Variants in CNTLN observed in about 807,000 individuals in gnomAD.
CNTLN encodes the protein centlein, centrosomal protein.
A neutral mutation model predicts 180.0 loss-of-function variants in CNTLN; 212 were observed. That is an observed-to-expected ratio of 1.18 (90% CI 1.05 to 1.32). The LOEUF is 1.32. Ranked by LOEUF, CNTLN falls within the 40% of genes most tolerant of loss-of-function variation. The probability of loss-of-function intolerance (pLI) is 0.00; values close to 1 mark genes in which losing one functional copy is unlikely to be tolerated. For synonymous variants in CNTLN, 722 were observed against 563.1 expected (o/e 1.28, Z -3.99); for missense variants, 2,095 against 1,610.9 (o/e 1.30, Z -5.14).
chr9:17,267,686 T>C (rs1827588146), intron 5 of CNTLN, among the ~76,000 whole-genome samples: 1 of 152,212 alleles, frequency 6.6e-6, no homozygotes, highest in South Asian at 2.1e-4. Flanking sequence ...CAATCAGACG[T>C]AGATTTGGTC....
At chr9:17,443,288 G>A (rs2780200) in intron 18 of CNTLN, among the ~76,000 whole-genome samples, 145,612 of 152,270 alleles carry the variant, frequency 0.96, 69,971 homozygotes, top group East Asian at 1. Flanking sequence ...ACTATAATTA[G>A]TAAGAGATTT....
At chr9:17,271,174 C>T (rs896721271) in intron 5 of CNTLN, among the ~76,000 whole-genome samples, 5 of 152,034 alleles carry the variant, frequency 3.3e-5, no homozygotes, top group Non-Finnish European at 4.4e-5. Context: ...ATCTCCTGAC[C>T]TCGTGATCTG....
At chr9:17,432,507 TA>T (rs1285951839) in intron 18 of CNTLN, among the ~76,000 whole-genome samples, 3 of 152,074 alleles carry the variant, frequency 2.0e-5, no homozygotes, top group African/African-American at 7.2e-5. Flanking sequence ...ACACAGAAGA[TA>T]TATGAGTTAT....
intron 2 of CNTLN, among the ~76,000 whole-genome samples, chr9:17,174,711 A>AAAAAAAAAAG (rs1174225322): frequency 1.3e-5 from 2 of 151,906 alleles, no homozygotes. Flanking sequence ...AAAAAAAAAA[A>AAAAAAAAAAG]AAAGAAAGAA....
At chr9:17,179,774 A>G (rs1821004089) in intron 2 of CNTLN, among the ~76,000 whole-genome samples, 1 of 152,188 alleles carries the variant, frequency 6.6e-6, no homozygotes, top group African/African-American at 2.4e-5. Context: ...GAAGTTGCCA[A>G]ACATAATTAT....
chr9:17,312,967 T>G (rs2132957282), intron 8 of CNTLN, among the ~76,000 whole-genome samples: 1 of 152,332 alleles, frequency 6.6e-6, no homozygotes, highest in East Asian at 1.9e-4. Context: ...CTTTGAGTTT[T>G]CTCAATTTTT....
chr9:17,319,647 C>G (rs1819772392), intron 8 of CNTLN, among the ~76,000 whole-genome samples: 2 of 152,080 alleles, frequency 1.3e-5, no homozygotes, highest in Non-Finnish European at 1.5e-5. Context: ...TCAGTTTCAA[C>G]ATTTATAAAA....
rs771312192 is a variant in CNTLN at position 17,502,630 on chromosome 9, CA to C, written c.4201del (p.Ile1401LeufsTer2). Reference sequence around the variant, plus strand: ...AAGAAACTAGTTGAAGGATATTTCACAATTATGAAAGATATTAGATGATATT... The same window carrying C: ...AAGAAACTAGTTGAAGGATATTTCACATTATGAAAGATATTAGATGATATT... ...EKKKLVEGYF[T>X]IMKDIR On this transcript the variant is annotated frameshift_variant, in exon 26 of 26. Transcript: ENST00000380647. LOFTEE classifies it high-confidence loss of function. The C allele has an allele frequency of 7.5e-7, 1 of 1,328,978 alleles. No individual in the cohort carries two copies. Among genetic ancestry groups the C allele is most frequent in the South Asian group, 1.4e-5 (1 of 73,392 alleles). The allele number at this position is 1,328,978 out of a possible 1,614,324, so 82.3% of individuals were successfully genotyped here.
chr9:17,458,439 C>G (rs1274337045), intron 19 of CNTLN, among the ~76,000 whole-genome samples: 1 of 151,758 alleles, frequency 6.6e-6, no homozygotes, highest in Non-Finnish European at 1.5e-5. Context: ...CTAAAAAGAG[C>G]AGTATATATG....
chr9:17,464,258 TTG>T (rs1831615111), intron 20 of CNTLN, among the ~76,000 whole-genome samples: 1 of 151,376 alleles, frequency 6.6e-6, no homozygotes, highest in South Asian at 2.1e-4. Flanking sequence ...CTTATATATT[TTG>T]TTTTAATACA....
At chr9:17,397,013 C>A (rs539549006) in intron 15 of CNTLN, among the ~76,000 whole-genome samples, 1 of 152,280 alleles carries the variant, frequency 6.6e-6, no homozygotes, top group South Asian at 2.1e-4. Context: ...ATTCCTCTGT[C>A]TTCAAGGAAA....
intron 2 of CNTLN, among the ~76,000 whole-genome samples, chr9:17,156,280 T>A (rs868129788): frequency 2.6e-5 from 4 of 152,222 alleles, no homozygotes; most frequent in Non-Finnish European, 5.9e-5. Context: ...ATAAGGACTA[T>A]CTCTAAAAGA....
chr9:17,462,543 C>T (rs1346383538), intron 19 of CNTLN, among the ~76,000 whole-genome samples: 3 of 151,724 alleles, frequency 2.0e-5, no homozygotes, highest in African/African-American at 7.3e-5. Context: ...GACCATATTT[C>T]GTCTAAGATG....
intron 5 of CNTLN, among the ~76,000 whole-genome samples, chr9:17,261,113 T>C (rs1194763565): frequency 2.6e-5 from 4 of 151,626 alleles, no homozygotes; most frequent in Non-Finnish European, 5.9e-5. Context: ...GATAATGTGA[T>C]GCATCTGGCT....
chr9:17,312,397 A>T (rs1320113547), intron 8 of CNTLN, among the ~76,000 whole-genome samples: 23 of 125,448 alleles, frequency 1.8e-4, no homozygotes, highest in Admixed American at 1.4e-3. Flanking sequence ...TTATTTATTT[A>T]TTTTTTTGAT....
rs553904281 is a variant in CNTLN, at chr9:17,367,663, A to G, written c.1987+946A>G. On this transcript the variant is annotated intron_variant, in intron 13 of 25. Transcript: ENST00000380647. The stretch of plus-strand genomic sequence containing the variant: ...CATCTTGGACAGCAGCTCAGCCACA[A>G]TAGGATAGGGCGCTAGTTAGATTTA... 2.6e-5 allele frequency among the ~76,000 whole-genome samples: 4 copies of G among 152,120 alleles called. No homozygotes were observed. The East Asian group carries it at 7.8e-4, about 30-fold the overall frequency.
chr9:17,264,794 T>G (rs1174565243), intron 5 of CNTLN, among the ~76,000 whole-genome samples: 5 of 152,052 alleles, frequency 3.3e-5, no homozygotes, highest in African/African-American at 4.8e-5. Flanking sequence ...TTTATTCTCT[T>G]TGAAGCGATT....
intron 16 of CNTLN, among the ~76,000 whole-genome samples, chr9:17,411,877 T>A (rs1827871597): frequency 6.6e-6 from 1 of 152,112 alleles, no homozygotes; most frequent in African/African-American, 2.4e-5. Context: ...CTCCCTCCTT[T>A]CCATGTCATT....
chr9:17,456,100 T>C (rs1239875245), intron 18 of CNTLN, among the ~76,000 whole-genome samples: 2 of 152,066 alleles, frequency 1.3e-5, no homozygotes, highest in Non-Finnish European at 2.9e-5. Flanking sequence ...CTGAAAGGAA[T>C]GAAAATGAGA....
Sources: allele counts gnomAD v4.1 joint callset (sites outside exome capture counted in the v4.1 genomes callset), GRCh38; gene constraint gnomAD v4.1.1; transcripts MANE v1.5; gene names NCBI Gene and HGNC (gene_info 2026-07-23, HGNC 2026-07-21).